Variants in STK3 observed in about 807,000 individuals in gnomAD.
STK3 encodes the protein serine/threonine-protein kinase 3.
In STK3, 41 loss-of-function variants were observed where a neutral mutation model predicts 58.0. The observed-to-expected ratio is 0.71, with a 90% confidence interval of 0.55 to 0.92. The LOEUF (loss-of-function observed/expected upper bound fraction) is 0.92, where lower values mean the gene tolerates loss of function less well. STK3 is among the 40% of genes least tolerant of loss of function. The probability of loss-of-function intolerance (pLI) is 0.00; values close to 1 mark genes in which losing one functional copy is unlikely to be tolerated. For synonymous variants in STK3, 170 were observed against 191.0 expected (o/e 0.89, Z 0.91); for missense variants, 479 against 602.7 (o/e 0.79, Z 2.15).
intron 7 of STK3, among the ~76,000 whole-genome samples, chr8:98,583,845 A>ATGTGTGTGTGTGTG (rs529496460): frequency 4.8e-4 from 69 of 144,752 alleles, no homozygotes; most frequent in African/African-American, 1.7e-3. Context: ...GAGAGAGTGT[A>ATGTGTGTGTGTGTG]TGTGTGTGTG....
At chr8:98,382,370 T>C (rs1586543306) in intron 1 of STK3, among the ~76,000 whole-genome samples, 2 of 152,188 alleles carry the variant, frequency 1.3e-5, no homozygotes, top group Non-Finnish European at 1.5e-5. Context: ...CATTCTAAAT[T>C]ATCGCAGTGT....
chr8:98,647,155 T>C (rs996295141), intron 6 of STK3, among the ~76,000 whole-genome samples: 2 of 152,278 alleles, frequency 1.3e-5, no homozygotes, highest in East Asian at 3.9e-4. Flanking sequence ...GGGCTTTCCA[T>C]TGACCATTCC....
chr8:98,887,548 CAT>C (rs1002688428), intron 1 of STK3, among the ~76,000 whole-genome samples: 2 of 152,114 alleles, frequency 1.3e-5, no homozygotes, highest in Admixed American at 6.5e-5. Flanking sequence ...CAACATTCAG[CAT>C]ATATGTTTGC....
rs188251922 is a variant in STK3 at position 98,818,857 on chromosome 8, G to C, written c.26+6658C>G. Among the ~76,000 whole-genome samples the C allele has an allele frequency of 1.4e-4, 21 of 152,172 alleles. No homozygotes were observed. In the South Asian group the frequency reaches 1.7e-3, roughly 12 times the overall value. ...GTTGTTTTTTTGAGACGGAGTCTCT[G>C]TCGCCCAGGCTGGAGTTCGGTGGCG... On this transcript the variant is annotated intron_variant, in intron 1 of 10. Coordinates refer to ENST00000419617, the MANE Select transcript of STK3 (RefSeq NM_006281.4).
chr8:98,874,760 G>A (rs1201531313), intron 3 of STK3, among the ~76,000 whole-genome samples: 3 of 151,692 alleles, frequency 2.0e-5, no homozygotes, highest in African/African-American at 7.3e-5. Flanking sequence ...CCCAGTAGCT[G>A]GGACTACAGG....
intron 6 of STK3, among the ~76,000 whole-genome samples, chr8:98,694,752 G>A (rs555597025): frequency 6.6e-6 from 1 of 152,078 alleles, no homozygotes; most frequent in Non-Finnish European, 1.5e-5. Flanking sequence ...GTCTATCATT[G>A]TTGGACATTT....
At chr8:98,823,769 CCCA>C (rs1382273140) in intron 1 of STK3, among the ~76,000 whole-genome samples, 30 of 152,084 alleles carry the variant, frequency 2.0e-4, no homozygotes, top group Admixed American at 3.9e-4. Flanking sequence ...TCATTTAATC[CCCA>C]CAATACATTT....
chr8:98,814,257 G>A (rs1361181182), intron 1 of STK3, among the ~76,000 whole-genome samples: 1 of 151,678 alleles, frequency 6.6e-6, no homozygotes, highest in African/African-American at 2.4e-5. Flanking sequence ...CACCATGTTG[G>A]TCAGGCTGGT....
At chr8:98,696,135 G>A (rs1180336740) in intron 6 of STK3, among the ~76,000 whole-genome samples, 1 of 152,136 alleles carries the variant, frequency 6.6e-6, no homozygotes, top group Non-Finnish European at 1.5e-5. Context: ...AATTGTGAAT[G>A]GGAGTTCACT....
intron 6 of STK3, among the ~76,000 whole-genome samples, chr8:98,701,608 C>A (rs533818891): frequency 6.8e-6 from 1 of 147,420 alleles, no homozygotes; most frequent in Non-Finnish European, 1.5e-5. Context: ...GACAACAGAG[C>A]GAGACTTTGT....
intron 6 of STK3, among the ~76,000 whole-genome samples, chr8:98,621,275 T>C (rs1406778967): frequency 6.6e-6 from 1 of 152,222 alleles, no homozygotes; most frequent in Non-Finnish European, 1.5e-5. Context: ...CTTGAAACCT[T>C]GTTGCGCTTA....
intron 1 of STK3, among the ~76,000 whole-genome samples, chr8:98,932,273 T>C (rs1230108200): frequency 6.6e-6 from 1 of 152,254 alleles, no homozygotes; most frequent in Non-Finnish European, 1.5e-5. Flanking sequence ...GGAGTAATGC[T>C]TACTGTTTTC....
chr8:98,355,326 G>A, the STK3 span, among the ~76,000 whole-genome samples: 1 of 152,208 alleles, frequency 6.6e-6, no homozygotes, highest in Non-Finnish European at 1.5e-5. Context: ...CTGCTCTGCT[G>A]TACAACTTTC....
chr8:98,618,250 A>T (rs1450242768), intron 6 of STK3, among the ~76,000 whole-genome samples: 1 of 150,248 alleles, frequency 6.7e-6, no homozygotes, highest in Admixed American at 6.6e-5. Flanking sequence ...AAAGCCTTTG[A>T]CAAAATTCAA....
At chr8:98,792,832 G>A (rs1390069513) in intron 1 of STK3, among the ~76,000 whole-genome samples, 2 of 151,968 alleles carry the variant, frequency 1.3e-5, no homozygotes, top group East Asian at 1.9e-4. Context: ...AGCACAGTTC[G>A]CAATTGCAAA....
intron 4 of STK3, among the ~76,000 whole-genome samples, chr8:98,716,661 A>G (rs1285076988): frequency 1.3e-5 from 2 of 152,182 alleles, no homozygotes; most frequent in Non-Finnish European, 2.9e-5. Context: ...TGTTTATTGC[A>G]GAAATAGAAA....
intron 8 of STK3, among the ~76,000 whole-genome samples, chr8:98,578,872 C>T (rs142168950): frequency 1.8e-3 from 281 of 152,116 alleles, no homozygotes; most frequent in African/African-American, 6.3e-3. Context: ...CACTACAAAC[C>T]AGGTGCAGTG....
chr8:98,700,329 A>G (rs1587348262), intron 6 of STK3, among the ~76,000 whole-genome samples: 1 of 152,182 alleles, frequency 6.6e-6, no homozygotes, highest in African/African-American at 2.4e-5. Context: ...GAGTGAGGCA[A>G]TGCCTCGCCC....
chr8:98,648,784 C>T (rs755948413), intron 6 of STK3, among the ~76,000 whole-genome samples: 1 of 151,210 alleles, frequency 6.6e-6, no homozygotes, highest in Non-Finnish European at 1.5e-5. Flanking sequence ...CCCAGCTACT[C>T]GGGAGGCTGA....
Sources: gnomAD v4.1 joint callset for allele counts (sites outside exome capture counted in the v4.1 genomes callset) on GRCh38, gnomAD v4.1.1 for gene constraint, MANE v1.5 for transcripts, NCBI Gene and HGNC (gene_info 2026-07-23, HGNC 2026-07-21) for gene names.